SPAG16: variants seen among roughly 807,000 people sequenced by gnomAD.
The protein encoded by SPAG16 is sperm-associated antigen 16 protein.
Under a neutral mutation model 80.4 loss-of-function variants are expected in SPAG16, and 86 were observed. The observed-to-expected ratio is 1.07, with a 90% CI of 0.90 to 1.28. SPAG16 has a LOEUF of 1.28. SPAG16 is among the 50% of genes most tolerant of loss of function. SPAG16 has a pLI of 0.00. For missense variants in SPAG16, 870 were observed against 765.3 expected, an observed-to-expected ratio of 1.14 and a Z score of -1.61; for synonymous variants, 294 against 265.9, an observed-to-expected ratio of 1.11 and a Z score of -1.03.
chr2:214,223,870 A>G (rs987365828), intron 15 of SPAG16, among the ~76,000 whole-genome samples: 3 of 152,146 alleles, frequency 2.0e-5, no homozygotes, highest in Non-Finnish European at 2.9e-5. Flanking sequence ...AGAAGAGGGC[A>G]TGTTTCAGTT....
intron 15 of SPAG16, among the ~76,000 whole-genome samples, chr2:214,304,066 A>G (rs1200026307): frequency 6.6e-6 from 1 of 152,086 alleles, no homozygotes; most frequent in African/African-American, 2.4e-5. Flanking sequence ...ATGTCCATGT[A>G]TTCTCATAAT....
chr2:213,997,008 C>CT (rs1307964714), intron 12 of SPAG16, among the ~76,000 whole-genome samples: 3 of 152,132 alleles, frequency 2.0e-5, no homozygotes, highest in Admixed American at 6.5e-5. Context: ...GGACAACATC[C>CT]TTTGGGTAAA....
Position 213,685,446 on chromosome 2 carries a change from C to T in SPAG16, c.1071-177039C>T, listed in dbSNP as rs574850080. Among the ~76,000 whole-genome samples the T allele has an allele frequency of 2.6e-5, 4 of 152,366 alleles. No individual in the cohort carries two copies. In the South Asian group the frequency reaches 8.3e-4, roughly 32 times the overall value. On this transcript the variant is annotated intron_variant, in intron 10 of 15. Transcript: ENST00000331683. ...GCCTGGAACTGATCCTTCCCTAGCA[C>T]CTTCAGTGGGAGCATGACTCTGCTA...
intron 10 of SPAG16, among the ~76,000 whole-genome samples, chr2:213,609,157 T>C (rs1158481893): frequency 6.6e-6 from 1 of 152,212 alleles, no homozygotes; most frequent in African/African-American, 2.4e-5. Flanking sequence ...CTGAACATTA[T>C]CCACTGAATT....
At chr2:214,286,191 A>G (rs1343809571) in intron 15 of SPAG16, among the ~76,000 whole-genome samples, 2 of 152,110 alleles carry the variant, frequency 1.3e-5, no homozygotes, top group African/African-American at 2.4e-5. Flanking sequence ...TAAGGGGGAG[A>G]TGTTGGTCTG....
At chr2:213,654,152 A>C (rs1004317662) in intron 10 of SPAG16, among the ~76,000 whole-genome samples, 1 of 152,126 alleles carries the variant, frequency 6.6e-6, no homozygotes, top group African/African-American at 2.4e-5. Context: ...AACCTCTTAA[A>C]TTGCTTTAAT....
At chr2:213,876,292 T>G (rs16851059) in intron 11 of SPAG16, among the ~76,000 whole-genome samples, 35,336 of 136,890 alleles carry the variant, frequency 0.26, 4,861 homozygotes, top group South Asian at 0.39. Flanking sequence ...CTGACTAGTA[T>G]TAACTTTGAA....
chr2:213,407,635 G>C (rs1575509011), intron 9 of SPAG16, among the ~76,000 whole-genome samples: 8 of 81,970 alleles, frequency 9.8e-5, no homozygotes, highest in African/African-American at 2.1e-4. Context: ...GAGAGAGAGA[G>C]AGAGACAGAC....
At chr2:213,757,672 A>G (rs73986935) in intron 10 of SPAG16, among the ~76,000 whole-genome samples, 1 of 152,142 alleles carries the variant, frequency 6.6e-6, no homozygotes, top group South Asian at 2.1e-4. Context: ...CAATTTCAGC[A>G]CTTAACCACA....
chr2:214,149,456 A>G (rs2055866993), intron 15 of SPAG16, among the ~76,000 whole-genome samples, 190 bp downstream of exon 15: 1 of 152,096 alleles, frequency 6.6e-6, no homozygotes. Flanking sequence ...AATTATATTC[A>G]TATATTTAAA....
intron 13 of SPAG16, among the ~76,000 whole-genome samples, chr2:214,085,521 T>C (rs1040829668): frequency 1.3e-5 from 2 of 152,014 alleles, no homozygotes; most frequent in Non-Finnish European, 2.9e-5. Context: ...GTGAGAAAAA[T>C]ACAAAACTTT....
At chr2:214,130,209 C>T (rs116635074) in intron 14 of SPAG16, among the ~76,000 whole-genome samples, 3,513 of 152,236 alleles carry the variant, frequency 0.023, 92 homozygotes, top group South Asian at 0.13. Flanking sequence ...CTCTAGCAGC[C>T]GGTGTGAGAG....
chr2:213,493,246 T>G (rs1445415956), intron 10 of SPAG16, among the ~76,000 whole-genome samples: 3 of 152,226 alleles, frequency 2.0e-5, no homozygotes, highest in African/African-American at 7.2e-5. Flanking sequence ...AGTAGTTAGA[T>G]TGTGTTTAAG....
chr2:213,827,592 C>T (rs894327921), intron 10 of SPAG16, among the ~76,000 whole-genome samples: 10 of 152,004 alleles, frequency 6.6e-5, no homozygotes, highest in Non-Finnish European at 1.3e-4. Context: ...TCTGTGTTTT[C>T]CTGATTCTTT....
chr2:213,389,027 G>A (rs2067597979), intron 9 of SPAG16, among the ~76,000 whole-genome samples: 1 of 152,088 alleles, frequency 6.6e-6, no homozygotes, highest in Non-Finnish European at 1.5e-5. Context: ...CTACTGCAAA[G>A]CTACAGTAAT....
intron 10 of SPAG16, among the ~76,000 whole-genome samples, chr2:213,566,894 G>C (rs1296860326): frequency 6.6e-6 from 1 of 152,126 alleles, no homozygotes; most frequent in African/African-American, 2.4e-5. Flanking sequence ...CCAAATATAA[G>C]AATCACTTTT....
At chr2:213,629,950 A>G (rs2062085347) in intron 10 of SPAG16, among the ~76,000 whole-genome samples, 1 of 152,084 alleles carries the variant, frequency 6.6e-6, no homozygotes, top group African/African-American at 2.4e-5. Flanking sequence ...CCATCTTCTT[A>G]TATTTTCCCT....
chr2:214,163,637 T>TAG (rs34908676), intron 15 of SPAG16, among the ~76,000 whole-genome samples: 62,243 of 148,854 alleles, frequency 0.42, 15,513 homozygotes, highest in Non-Finnish European at 0.55. Flanking sequence ...CATATATATA[T>TAG]AGAGAGAGAG....
At chr2:213,735,199 T>A (rs2067229003) in intron 10 of SPAG16, among the ~76,000 whole-genome samples, 1 of 152,174 alleles carries the variant, frequency 6.6e-6, no homozygotes, top group African/African-American at 2.4e-5. Flanking sequence ...ATCACCAAAC[T>A]AAATATGTAG....
Sources: allele counts gnomAD v4.1 joint callset (sites outside exome capture counted in the v4.1 genomes callset), GRCh38; gene constraint gnomAD v4.1.1; transcripts MANE v1.5; gene names NCBI Gene and HGNC (gene_info 2026-07-23, HGNC 2026-07-21).